The following IKZF3 variants were observed in gnomAD, a reference collection of about 807,000 sequenced individuals.
IKZF3 encodes the protein zinc finger protein Aiolos.
Under a neutral mutation model 49.0 loss-of-function variants are expected in IKZF3, and 10 were observed. The ratio of observed to expected loss-of-function variants is 0.20; its 90% CI spans 0.13 to 0.35. IKZF3 has a LOEUF of 0.35. Among genes scored for constraint, IKZF3 ranks in the 10% least tolerant of loss-of-function variants. The pLI is 1.00. For missense variants in IKZF3, 498 were observed against 664.8 expected (o/e 0.75, Z 2.76); for synonymous variants, 209 against 228.2 (o/e 0.92, Z 0.76).
At chr17:39,835,527 G>A in intron 1 of IKZF3, 1 of 431,290 alleles carries the variant, frequency 2.3e-6, no homozygotes, top group South Asian at 1.7e-5. Context: ...GTGCTTCCCA[G>A]GCAGGGTCTG....
rs2060201035 is a variant in IKZF3 at position 39,762,349 on chromosome 17, C to T, written c.*3441G>A. 1 of 152,182 alleles carries T rather than the reference C, an allele frequency of 6.6e-6. No individual in the cohort carries two copies. The highest frequency in any genetic ancestry group is 1.5e-5 in the Non-Finnish European group (1 of 68,048). 9.4% of individuals were successfully genotyped at this position (152,182 alleles called of 1,614,324 possible). ...AACCACTGCATATCTGGTTCAACTT[C>T]AAGACTTAAGGATGCAGAGTTTCCA... On this transcript the variant is annotated 3_prime_UTR_variant, in exon 8 of 8. Coordinates refer to ENST00000346872, the MANE Select transcript of IKZF3 (RefSeq NM_012481.5).
intron 1 of IKZF3, among the ~76,000 whole-genome samples, chr17:39,843,000 C>T (rs778970832): frequency 3.1e-4 from 47 of 152,284 alleles, no homozygotes; most frequent in Non-Finnish European, 4.9e-4. Flanking sequence ...AACAACCAAA[C>T]TCGAATTTGC....
At chr17:39,821,623 T>C (rs557921063) in intron 3 of IKZF3, among the ~76,000 whole-genome samples, 1 of 152,210 alleles carries the variant, frequency 6.6e-6, no homozygotes, top group Admixed American at 6.5e-5. Flanking sequence ...AAAATGAAAG[T>C]TAAAAAGAGT....
At chr17:39,788,653 A>G (rs554328886) in intron 5 of IKZF3, among the ~76,000 whole-genome samples, 8 of 152,328 alleles carry the variant, frequency 5.3e-5, no homozygotes, top group African/African-American at 1.9e-4. Context: ...TTTTGGCTCC[A>G]GGTCAAATTT....
chr17:39,831,337 G>A (rs536637760), intron 2 of IKZF3, among the ~76,000 whole-genome samples: 6 of 151,898 alleles, frequency 4.0e-5, no homozygotes, highest in South Asian at 2.1e-4. Flanking sequence ...TCACACCATC[G>A]TACTTCAGCC....
intron 3 of IKZF3, among the ~76,000 whole-genome samples, chr17:39,823,657 C>T (rs997203869): frequency 5.3e-5 from 8 of 152,112 alleles, no homozygotes; most frequent in Non-Finnish European, 8.8e-5. Context: ...TGCTCTGTGT[C>T]CCAGCTGCTC....
At chr17:39,862,616 A>G (rs1383127451) in intron 1 of IKZF3, among the ~76,000 whole-genome samples, 5 of 152,176 alleles carry the variant, frequency 3.3e-5, no homozygotes, top group Non-Finnish European at 7.4e-5. Context: ...TTTAAATGTT[A>G]AAGTTTTTTC....
chr17:39,803,242 A>G (rs1567998915), intron 3 of IKZF3, among the ~76,000 whole-genome samples: 1 of 152,108 alleles, frequency 6.6e-6, no homozygotes. Context: ...CTACAAGTAT[A>G]TTGTTTCATT....
intron 7 of IKZF3, among the ~76,000 whole-genome samples, chr17:39,767,060 G>A (rs2060312951): frequency 6.6e-6 from 1 of 152,046 alleles, no homozygotes; most frequent in African/African-American, 2.4e-5. Flanking sequence ...GACTCCAACT[G>A]GCTACTCCCC....
intron 3 of IKZF3, among the ~76,000 whole-genome samples, chr17:39,823,821 T>C (rs143902033): frequency 1.3e-5 from 2 of 152,288 alleles, no homozygotes; most frequent in African/African-American, 4.8e-5. Flanking sequence ...TTTCAGAGGA[T>C]GTATGAAAAC....
rs2062050246 is a variant in IKZF3, at chr17:39,829,503, G to C, written c.62-15C>G. On this transcript the variant is annotated splice_polypyrimidine_tract_variant and intron_variant, in intron 2 of 7. Transcript: ENST00000346872. ...CGCTGCACTTTCTAAAAGATAAAAG[G>C]AATTTTAAGTATGTGGTTCAACGTT... The C allele has an allele frequency of 6.4e-7, 1 of 1,572,404 alleles. No homozygotes were observed. Among genetic ancestry groups the C allele is most frequent in the African/African-American group, 1.3e-5 (1 of 74,084 alleles).
intron 3 of IKZF3, among the ~76,000 whole-genome samples, chr17:39,793,956 C>T (rs1162410591): frequency 6.6e-6 from 1 of 152,170 alleles, no homozygotes; most frequent in African/African-American, 2.4e-5. Flanking sequence ...GAATAATAAA[C>T]ATTTGTAAGG....
At chr17:39,767,628 G>A (rs2060326975) in intron 7 of IKZF3, among the ~76,000 whole-genome samples, 1 of 151,920 alleles carries the variant, frequency 6.6e-6, no homozygotes, top group Non-Finnish European at 1.5e-5. Flanking sequence ...AAAGGGTTCA[G>A]CAATGAAAAT....
intron 3 of IKZF3, among the ~76,000 whole-genome samples, chr17:39,824,852 C>G (rs567105645): frequency 6.4e-4 from 97 of 152,250 alleles, no homozygotes; most frequent in African/African-American, 1.9e-3. Context: ...CCCACCACCA[C>G]ACCTGGCTAA....
Position 39,762,999 on chromosome 17 carries a change from T to C in IKZF3, c.*2791A>G, listed in dbSNP as rs936801032. The C allele has an allele frequency of 2.6e-5, 4 of 152,112 alleles. No individual in the cohort carries two copies. The allele number at this position is 152,112 out of a possible 1,614,324, so 9.4% of individuals were successfully genotyped here. A position where few individuals can be genotyped will look rare whatever the true frequency, so the allele number is the denominator to read the frequency against. On this transcript the variant is annotated 3_prime_UTR_variant, in exon 8 of 8. Transcript: ENST00000346872. Reference sequence around the variant, plus strand: ...CTTCTACTAATCCCTGCTTCCAAATTCTCTTTCTCTTGTCCCTTGAAGAAC... The same window carrying C: ...CTTCTACTAATCCCTGCTTCCAAATCCTCTTTCTCTTGTCCCTTGAAGAAC...
In IKZF3 at chr17:39,783,544, A is replaced by G. The variant is rs192654136; in HGVS notation, c.709+4714T>C. On this transcript the variant is annotated intron_variant, in intron 6 of 7. Transcript: ENST00000346872. The stretch of plus-strand genomic sequence containing the variant: ...ACTATGTTGGCCAGGCTGTTCTGGA[A>G]CTCCTGACCTCGCGATCCGCCCACC... Among the ~76,000 whole-genome samples, 151 of 151,942 alleles carry G rather than the reference A, an allele frequency of 9.9e-4. 2 individuals carry two copies. Among genetic ancestry groups the G allele is most frequent in the African/African-American group, 3.4e-3 (142 of 41,452 alleles).
At chr17:39,814,821 A>C (rs2061641438) in intron 3 of IKZF3, among the ~76,000 whole-genome samples, 2 of 152,158 alleles carry the variant, frequency 1.3e-5, no homozygotes, top group Admixed American at 6.5e-5. Context: ...ATAGTAAAAA[A>C]TTTCTGTTGC....
intron 6 of IKZF3, among the ~76,000 whole-genome samples, chr17:39,784,119 T>C (rs999376676): frequency 6.6e-6 from 1 of 152,216 alleles, no homozygotes. Context: ...ATAGATGTGA[T>C]TATTCAATTA....
chr17:39,813,466 G>A (rs1323711220), intron 3 of IKZF3, among the ~76,000 whole-genome samples: 1 of 151,610 alleles, frequency 6.6e-6, no homozygotes, highest in Non-Finnish European at 1.5e-5. Context: ...GCAACATAGC[G>A]AGACCCCGTA....
Sources: gnomAD v4.1 joint callset for allele counts (sites outside exome capture counted in the v4.1 genomes callset) on GRCh38, gnomAD v4.1.1 for gene constraint, MANE v1.5 for transcripts, NCBI Gene and HGNC (gene_info 2026-07-23, HGNC 2026-07-21) for gene names.